TFEC: variants seen among roughly 807,000 people sequenced by gnomAD.
TFEC encodes transcription factor EC, also known as class E basic helix-loop-helix protein 34.
In TFEC, 31 loss-of-function variants were observed where a neutral mutation model predicts 41.6. That is an observed-to-expected ratio of 0.74 (90% CI 0.56 to 1.01). TFEC has a LOEUF of 1.01. Ranked by LOEUF, TFEC falls within the 50% of genes least tolerant of loss-of-function variation. TFEC has a pLI of 0.00. For missense variants in TFEC, 402 were observed against 404.1 expected (o/e 0.99, Z 0.04); for synonymous variants, 143 against 140.6 (o/e 1.02, Z -0.12).
chr7:116,038,416 C>T (rs1369677153), intron 3 of TFEC, among the ~76,000 whole-genome samples: 4 of 151,970 alleles, frequency 2.6e-5, no homozygotes, highest in African/African-American at 9.7e-5. Context: ...ACCTTACTCA[C>T]TAAGGCATAA....
chr7:115,944,758 T>A lies in TFEC; in HGVS notation c.516-2718A>T. 1.3e-5 allele frequency among the ~76,000 whole-genome samples: 2 copies of A among 151,512 alleles called. 1 individual carries two copies. Among genetic ancestry groups the A allele is most frequent in the East Asian group, 3.9e-4 (2 of 5,116 alleles). On this transcript the variant is annotated intron_variant, in intron 6 of 7. Coordinates refer to ENST00000265440, the MANE Select transcript of TFEC (RefSeq NM_012252.4). ...TCCTCTCTCAATTCAGTACTCTTTC[T>A]GCCAACCTGTGGCTTTCCCACCTTT...
rs1793174027 is a variant in TFEC at position 115,935,272 on chromosome 7, A to T, written c.*5279T>A. 6.6e-6 allele frequency: 1 copy of T among 152,152 alleles called. No homozygotes were observed. The highest frequency in any genetic ancestry group is 2.4e-5 in the African/African-American group (1 of 41,422). The allele number at this position is 152,152 out of a possible 1,614,324, so 9.4% of individuals were successfully genotyped here. ...CCAAAGTTCTCCATTTTCTTAGAAA[A>T]TAAGACACATTACTTTGTTATTAAA... On this transcript the variant is annotated 3_prime_UTR_variant, in exon 8 of 8. Coordinates refer to ENST00000265440, the MANE Select transcript of TFEC (RefSeq NM_012252.4).
intron 3 of TFEC, among the ~76,000 whole-genome samples, chr7:116,104,106 G>T (rs190512180): frequency 6.8e-4 from 104 of 152,278 alleles, no homozygotes; most frequent in Non-Finnish European, 1.2e-3. Flanking sequence ...AACTTCTCCA[G>T]ATCCTGCAAT....
intron 1 of TFEC, among the ~76,000 whole-genome samples, chr7:116,157,879 G>C (rs1469574039): frequency 6.6e-6 from 1 of 152,086 alleles, no homozygotes; most frequent in Non-Finnish European, 1.5e-5. Flanking sequence ...CTAAACACCA[G>C]TCCCCTGGAG....
intron 1 of TFEC, among the ~76,000 whole-genome samples, chr7:115,991,463 G>A (rs1794108644): frequency 6.6e-6 from 1 of 152,160 alleles, no homozygotes; most frequent in Non-Finnish European, 1.5e-5. Flanking sequence ...CCATCAGTGT[G>A]CTGTATTCAG....
intron 1 of TFEC, among the ~76,000 whole-genome samples, chr7:116,113,289 A>G (rs1014796250): frequency 6.6e-6 from 1 of 152,002 alleles, no homozygotes. Flanking sequence ...GTGAGCCCTT[A>G]ATTCAATATA....
intron 3 of TFEC, among the ~76,000 whole-genome samples, chr7:116,077,949 T>G (rs913725086): frequency 6.6e-6 from 1 of 152,054 alleles, no homozygotes; most frequent in Non-Finnish European, 1.5e-5. Context: ...TTGCACAACA[T>G]TCCACCCAAC....
chr7:116,040,077 T>C (rs942670099), intron 3 of TFEC, among the ~76,000 whole-genome samples: 7 of 152,130 alleles, frequency 4.6e-5, no homozygotes, highest in Non-Finnish European at 7.4e-5. Flanking sequence ...GGATAACTCA[T>C]ACTCTTGGTG....
chr7:115,998,280 T>C (rs1271659376), intron 1 of TFEC, among the ~76,000 whole-genome samples: 1 of 152,034 alleles, frequency 6.6e-6, no homozygotes, highest in Non-Finnish European at 1.5e-5. Flanking sequence ...TATAAGATGG[T>C]ATTTGCAAGC....
At chr7:116,144,132 C>A (rs1292019991) in intron 1 of TFEC, among the ~76,000 whole-genome samples, 1 of 151,768 alleles carries the variant, frequency 6.6e-6, no homozygotes, top group African/African-American at 2.4e-5. Context: ...GCAGGAGAAT[C>A]GCTTGAACCC....
At chr7:116,008,947 C>T (rs1430896184) in intron 1 of TFEC, among the ~76,000 whole-genome samples, 1 of 151,880 alleles carries the variant, frequency 6.6e-6, no homozygotes, top group African/African-American at 2.4e-5. Flanking sequence ...TTGGATAATT[C>T]CAGTGGTGTG....
At chr7:115,945,785 T>C (rs12154945) in intron 6 of TFEC, among the ~76,000 whole-genome samples, 62,621 of 151,570 alleles carry the variant, frequency 0.41, 13,772 homozygotes, top group South Asian at 0.49. Context: ...TAAATTGAAT[T>C]TTCATATTCT....
At chr7:116,155,620 C>T (rs1798854700) in intron 1 of TFEC, among the ~76,000 whole-genome samples, 1 of 152,218 alleles carries the variant, frequency 6.6e-6, no homozygotes. Flanking sequence ...AAATGTCCAG[C>T]TGTGAATGCT....
intron 3 of TFEC, among the ~76,000 whole-genome samples, chr7:116,105,917 G>A (rs563096643): frequency 2.6e-5 from 4 of 152,100 alleles, no homozygotes; most frequent in South Asian, 4.2e-4. Context: ...TTCCATTCCC[G>A]AGTAAGATGT....
intron 1 of TFEC, among the ~76,000 whole-genome samples, chr7:115,986,617 T>C (rs755680598): frequency 6.6e-6 from 1 of 151,544 alleles, no homozygotes; most frequent in Non-Finnish European, 1.5e-5. Context: ...GGAAAGAACA[T>C]CTCAAATATT....
At chr7:115,943,647 T>C (rs117962275) in intron 6 of TFEC, among the ~76,000 whole-genome samples, 3,043 of 151,616 alleles carry the variant, frequency 0.02, 65 homozygotes, top group South Asian at 0.036. Context: ...CTTTTGCCTC[T>C]CTCCCAAAAC....
intron 1 of TFEC, among the ~76,000 whole-genome samples, chr7:116,013,396 T>C (rs559189954): frequency 1.3e-5 from 2 of 152,224 alleles, no homozygotes; most frequent in East Asian, 3.9e-4. Context: ...CACTTTTGAT[T>C]TAAATTATTT....
At chr7:116,052,791 C>T (rs1021755632) in intron 3 of TFEC, among the ~76,000 whole-genome samples, 3 of 149,466 alleles carry the variant, frequency 2.0e-5, no homozygotes, top group South Asian at 4.5e-4. Flanking sequence ...TCATGGGGGC[C>T]GGGCGCAGTG....
At chr7:115,992,746 T>A (rs537009261) in intron 1 of TFEC, among the ~76,000 whole-genome samples, 3 of 152,176 alleles carry the variant, frequency 2.0e-5, no homozygotes, top group African/African-American at 7.2e-5. Context: ...CAGGACCAGA[T>A]GGATTCACAG....
Sources: allele counts gnomAD v4.1 joint callset (sites outside exome capture counted in the v4.1 genomes callset), GRCh38; gene constraint gnomAD v4.1.1; transcripts MANE v1.5; gene names NCBI Gene and HGNC (gene_info 2026-07-23, HGNC 2026-07-21).